The following IMMP2L variants were observed in gnomAD, a reference collection of about 807,000 sequenced individuals.
The protein encoded by IMMP2L is mitochondrial inner membrane protease subunit 2.
IMMP2L carries 18 observed loss-of-function variants against 19.3 expected under a neutral mutation model. That is an observed-to-expected ratio of 0.93 (90% CI 0.64 to 1.38). The LOEUF is 1.38. IMMP2L is among the 40% of genes most tolerant of loss of function. The probability of loss-of-function intolerance (pLI) is 0.00; values close to 1 mark genes in which losing one functional copy is unlikely to be tolerated. For missense variants in IMMP2L, 233 were observed against 218.2 expected (o/e 1.07, Z -0.43); for synonymous variants, 76 against 73.0 (o/e 1.04, Z -0.21).
intron 3 of IMMP2L, among the ~76,000 whole-genome samples, chr7:111,098,009 A>T (rs1409539521): frequency 6.6e-6 from 1 of 151,874 alleles, no homozygotes; most frequent in African/African-American, 2.4e-5. Flanking sequence ...GTAGCATTGA[A>T]AAGAAAGTGC....
chr7:111,101,029 T>C (rs1268834444), intron 3 of IMMP2L, among the ~76,000 whole-genome samples: 2 of 151,502 alleles, frequency 1.3e-5, no homozygotes, highest in African/African-American at 4.8e-5. Context: ...TCCAGAATGG[T>C]AACTCCTCCT....
intron 4 of IMMP2L, among the ~76,000 whole-genome samples, chr7:110,919,847 G>C (rs1814058847): frequency 6.6e-6 from 1 of 152,142 alleles, no homozygotes; most frequent in Admixed American, 6.5e-5. Flanking sequence ...ATTAACAATT[G>C]AGTCGGTGGA....
intron 3 of IMMP2L, among the ~76,000 whole-genome samples, chr7:111,035,927 T>C (rs537084427): frequency 3.9e-5 from 6 of 152,094 alleles, no homozygotes; most frequent in Non-Finnish European, 8.8e-5. Flanking sequence ...AGTTTCCTCA[T>C]CTGTAAAATG....
intron 3 of IMMP2L, among the ~76,000 whole-genome samples, chr7:111,481,308 A>T (rs1308270214): frequency 6.6e-6 from 1 of 152,158 alleles, no homozygotes; most frequent in African/African-American, 2.4e-5. Flanking sequence ...ATGTTATTCA[A>T]CCATAGCATC....
chr7:111,268,569 C>CTCTTTT (rs1818083564), intron 3 of IMMP2L, among the ~76,000 whole-genome samples: 6 of 44,592 alleles, frequency 1.3e-4, no homozygotes, highest in African/African-American at 6.1e-4. Context: ...TCACATTTCT[C>CTCTTTT]TTTTTTTTTT....
At chr7:111,524,440 G>A (rs1262090029) in intron 1 of IMMP2L, among the ~76,000 whole-genome samples, 1 of 151,980 alleles carries the variant, frequency 6.6e-6, no homozygotes, top group Non-Finnish European at 1.5e-5. Context: ...GTTATTTTAA[G>A]TGGTCTACAC....
At chr7:111,345,398 C>T (rs1167984006) in intron 3 of IMMP2L, among the ~76,000 whole-genome samples, 3 of 152,138 alleles carry the variant, frequency 2.0e-5, no homozygotes, top group Non-Finnish European at 1.5e-5. Flanking sequence ...CCCTATGTTG[C>T]ACACATTGGA....
chr7:110,925,242 G>T (rs1814724431), intron 4 of IMMP2L, among the ~76,000 whole-genome samples: 1 of 151,976 alleles, frequency 6.6e-6, no homozygotes, highest in Admixed American at 6.6e-5. Flanking sequence ...ACATATATTT[G>T]GATATGTGGT....
intron 4 of IMMP2L, among the ~76,000 whole-genome samples, chr7:110,890,108 T>G (rs1810646304): frequency 6.6e-6 from 1 of 152,206 alleles, no homozygotes; most frequent in Non-Finnish European, 1.5e-5. Flanking sequence ...TACGCTTCAG[T>G]AATTTCCTCT....
At chr7:111,165,507 C>A (rs77774529) in intron 3 of IMMP2L, among the ~76,000 whole-genome samples, 7,951 of 152,072 alleles carry the variant, frequency 0.052, 381 homozygotes, top group African/African-American at 0.12. Context: ...TACTATTTTC[C>A]ACAGTGGCTA....
intron 5 of IMMP2L, among the ~76,000 whole-genome samples, chr7:110,788,915 G>C (rs1233730108): frequency 6.6e-6 from 1 of 151,652 alleles, no homozygotes; most frequent in Non-Finnish European, 1.5e-5. Context: ...TGGAAGTAAA[G>C]TTATGTGATG....
At chr7:111,376,350 G>A (rs1233411238) in intron 3 of IMMP2L, among the ~76,000 whole-genome samples, 2 of 151,952 alleles carry the variant, frequency 1.3e-5, no homozygotes, top group African/African-American at 2.4e-5. Context: ...TCAAAACCAC[G>A]AGATACTACC....
At chr7:111,403,282 T>C (rs1442949384) in intron 3 of IMMP2L, among the ~76,000 whole-genome samples, 1 of 151,844 alleles carries the variant, frequency 6.6e-6, no homozygotes, top group African/African-American at 2.4e-5. Flanking sequence ...CTCTCTCTCC[T>C]GCCACCACAT....
At chr7:111,385,879 C>T (rs992675620) in intron 3 of IMMP2L, among the ~76,000 whole-genome samples, 4 of 151,956 alleles carry the variant, frequency 2.6e-5, no homozygotes, top group South Asian at 2.1e-4. Context: ...TTCAGTAAGG[C>T]GGGGTGAAGG....
At chr7:111,429,410 G>A (rs2131671030) in intron 3 of IMMP2L, among the ~76,000 whole-genome samples, 1 of 151,958 alleles carries the variant, frequency 6.6e-6, no homozygotes, top group Non-Finnish European at 1.5e-5. Context: ...GCCTCCTCTG[G>A]CTTGGCAGCC....
intron 1 of IMMP2L, among the ~76,000 whole-genome samples, chr7:111,547,722 A>T (rs895541165): frequency 1.4e-5 from 2 of 138,114 alleles, no homozygotes; most frequent in African/African-American, 2.7e-5. Context: ...CACCAGTCTA[A>T]TTTTTTTTTT....
At chr7:111,137,226 C>G (rs1331332011) in intron 3 of IMMP2L, among the ~76,000 whole-genome samples, 1 of 152,040 alleles carries the variant, frequency 6.6e-6, no homozygotes, top group East Asian at 1.9e-4. Flanking sequence ...AGTGGTATAA[C>G]AGAAATAAAG....
chr7:111,092,496 G>A (rs2129578071), intron 3 of IMMP2L, among the ~76,000 whole-genome samples: 1 of 152,280 alleles, frequency 6.6e-6, no homozygotes, highest in East Asian at 1.9e-4. Flanking sequence ...CTAATTTAGT[G>A]AAAAGGGGAT....
At position 111,359,783 on chromosome 7, in the gene IMMP2L, G is replaced by A. The variant is rs60657613; in HGVS notation, c.239+127455C>T. Among the ~76,000 whole-genome samples the A allele has an allele frequency of 3.8e-4, 58 of 152,150 alleles. No individual in the cohort carries two copies. The East Asian group carries it at 7.9e-3, about 21-fold the overall frequency. Reference sequence around the variant, plus strand: ...ACATAAGCTAGTGGTTACCCTAACTGATAAAGAGTCCAATAAATATTTATT... The same window carrying A: ...ACATAAGCTAGTGGTTACCCTAACTAATAAAGAGTCCAATAAATATTTATT... On this transcript the variant is annotated intron_variant, in intron 3 of 5. Transcript: ENST00000405709.
Sources: gnomAD v4.1 joint callset for allele counts (sites outside exome capture counted in the v4.1 genomes callset) on GRCh38, gnomAD v4.1.1 for gene constraint, MANE v1.5 for transcripts, NCBI Gene and HGNC (gene_info 2026-07-23, HGNC 2026-07-21) for gene names.